The following RNF169 variants were observed in gnomAD, a reference collection of about 807,000 sequenced individuals.
RNF169 encodes the protein E3 ubiquitin-protein ligase RNF169.
RNF169 carries 24 observed loss-of-function variants against 53.9 expected under a neutral mutation model. The ratio of observed to expected loss-of-function variants is 0.45; its 90% CI spans 0.32 to 0.63. The LOEUF (loss-of-function observed/expected upper bound fraction) is 0.63, where lower values mean the gene tolerates loss of function less well. Ranked by LOEUF, RNF169 falls within the 20% of genes least tolerant of loss-of-function variation. RNF169 has a pLI of 0.04. For missense variants in RNF169, 883 were observed against 906.2 expected, an observed-to-expected ratio of 0.97 and a Z score of 0.33; for synonymous variants, 396 against 363.5, an observed-to-expected ratio of 1.09 and a Z score of -1.02.
At position 74,836,107 on chromosome 11, in the gene RNF169, G is replaced by A. The variant is rs2036252049; in HGVS notation, c.1504G>A (p.Asp502Asn). The A allele has an allele frequency of 1.2e-6, 2 of 1,614,138 alleles. No homozygotes were observed. The highest frequency in any genetic ancestry group is 1.7e-6 in the Non-Finnish European group (2 of 1,180,030). Residue 502 changes from aspartate (D) to asparagine (N), a missense_variant, in exon 6 of 6, where the codon GAT (aspartate) becomes AAT (asparagine). Asp to Asn is a conservative substitution (Grantham distance 23, BLOSUM62 1). Around this residue, in one of 3 missense-constraint regions of RNF169, gnomAD observed 351 missense variants for 337.3 expected, o/e 1.04. Coordinates refer to ENST00000299563, the MANE Select transcript of RNF169 (RefSeq NM_001098638.2). ...EYTGPTSADL[D>N]HFPSVSQTKA... ...TACTGGACCCACCTCTGCTGATCTTGATCATTTCCCCTCTGTTAGCCAAAC... is the reference window on the plus strand; with the variant it reads ...TACTGGACCCACCTCTGCTGATCTTAATCATTTCCCCTCTGTTAGCCAAAC...
intron 4 of RNF169, among the ~76,000 whole-genome samples, chr11:74,821,103 T>C (rs768263267): frequency 5.9e-5 from 9 of 152,214 alleles, no homozygotes; most frequent in Non-Finnish European, 4.4e-5. Context: ...TCTGTTGTTA[T>C]CAGAACTCTG....
chr11:74,817,528 C>T, intron 3 of RNF169, 68 bp from the exon 4 acceptor site: 1 of 951,476 alleles, frequency 1.1e-6, no homozygotes, highest in Non-Finnish European at 1.7e-6. Context: ...GAGATTTGAA[C>T]CTATAGCTAG....
At chr11:74,792,936 C>G (rs987908698) in intron 2 of RNF169, among the ~76,000 whole-genome samples, 9 of 152,162 alleles carry the variant, frequency 5.9e-5, no homozygotes, top group Admixed American at 5.2e-4. Context: ...TCACCCACCC[C>G]AAGTACCCAA....
At position 74,817,733 on chromosome 11, in the gene RNF169, A is replaced by T; in HGVS notation, c.842+19A>T. 1 of 1,458,514 alleles carries T rather than the reference A, an allele frequency of 6.9e-7. No individual in the cohort carries two copies. Among genetic ancestry groups the T allele is most frequent in the Non-Finnish European group, 9.6e-7 (1 of 1,038,882 alleles). The allele number at this position is 1,458,514 out of a possible 1,614,324, so 90.3% of individuals were successfully genotyped here. On this transcript the variant is annotated intron_variant, in intron 4 of 5. Transcript: ENST00000299563. ...TGGCAGGGTAAGAGACTGATGCTGAATTCAGTCAGGGGTCTTTGGTTTTGG... is the reference window on the plus strand; with the variant it reads ...TGGCAGGGTAAGAGACTGATGCTGATTTCAGTCAGGGGTCTTTGGTTTTGG...
chr11:74,774,837 T>C (rs2035309802), intron 1 of RNF169, among the ~76,000 whole-genome samples: 1 of 152,096 alleles, frequency 6.6e-6, no homozygotes, highest in Non-Finnish European at 1.5e-5. Flanking sequence ...CACATGCCTG[T>C]AATCGTAGCT....
intron 2 of RNF169, among the ~76,000 whole-genome samples, chr11:74,797,708 T>C (rs1269398569): frequency 1.3e-5 from 2 of 152,150 alleles, no homozygotes; most frequent in Non-Finnish European, 2.9e-5. Flanking sequence ...GGGATTTGGC[T>C]GGGCACAGTG....
At chr11:74,783,003 A>C (rs925979321) in intron 1 of RNF169, among the ~76,000 whole-genome samples, 2 of 148,102 alleles carry the variant, frequency 1.4e-5, no homozygotes, top group Non-Finnish European at 3.0e-5. Flanking sequence ...GTAAGTCCAA[A>C]ATTCTTTTTC....
chr11:74,838,260 A>T lies in RNF169; in HGVS notation c.*1530A>T, dbSNP rs2036287104. 6.6e-6 allele frequency: 1 copy of T among 152,208 alleles called. No homozygotes were observed. Among genetic ancestry groups the T allele is most frequent in the African/African-American group, 2.4e-5 (1 of 41,452 alleles). 9.4% of individuals were successfully genotyped at this position (152,208 alleles called of 1,614,324 possible). A position where few individuals can be genotyped will look rare whatever the true frequency, so the allele number is the denominator to read the frequency against. The stretch of plus-strand genomic sequence containing the variant: ...GTCCAGAACAGTGACCCATTGATCA[A>T]GGCAGATAGTATAACTCCTTTTAAG... On this transcript the variant is annotated 3_prime_UTR_variant, in exon 6 of 6. Transcript: ENST00000299563.
At chr11:74,800,918 A>G (rs1003873250) in intron 2 of RNF169, among the ~76,000 whole-genome samples, 8 of 152,224 alleles carry the variant, frequency 5.3e-5, no homozygotes, top group Non-Finnish European at 7.3e-5. Context: ...TTCAATTTAT[A>G]TGTAAACTTG....
At chr11:74,754,712 C>T (rs60061709) in intron 1 of RNF169, among the ~76,000 whole-genome samples, 274 of 152,078 alleles carry the variant, frequency 1.8e-3, no homozygotes, top group African/African-American at 6.3e-3. Flanking sequence ...TCCCAGCTAC[C>T]GGGAGGCTGA....
rs373373428 is a variant in RNF169, at chr11:74,813,361, ATC to A, written c.723+3033_723+3034del. ...GAGCTTACTCTAGAAGCAGATTATC[ATC>A]TGTTATTTTTTTAGAATAGAAATAA... is the stretch of plus-strand genomic sequence containing the variant. On this transcript the variant is annotated intron_variant, in intron 3 of 5. Transcript: ENST00000299563. 1.3e-3 allele frequency among the ~76,000 whole-genome samples: 201 copies of A among 152,358 alleles called. 1 individual carries two copies. The highest frequency in any genetic ancestry group is 4.6e-3 in the African/African-American group (193 of 41,590).
chr11:74,780,763 T>G (rs2135064451), intron 1 of RNF169, among the ~76,000 whole-genome samples: 1 of 152,298 alleles, frequency 6.6e-6, no homozygotes, highest in Non-Finnish European at 1.5e-5. Context: ...TTTAAAAAAA[T>G]CTATATGAAG....
intron 1 of RNF169, among the ~76,000 whole-genome samples, chr11:74,760,146 T>C (rs1329552583): frequency 2.6e-4 from 39 of 151,554 alleles, no homozygotes; most frequent in African/African-American, 6.8e-4. Context: ...TCTGTGGGAT[T>C]GGTGGTGATA....
chr11:74,828,973 C>T (rs2036137306), intron 4 of RNF169, among the ~76,000 whole-genome samples: 1 of 152,064 alleles, frequency 6.6e-6, no homozygotes, highest in Non-Finnish European at 1.5e-5. Flanking sequence ...GCAATTGCAC[C>T]AAAAGTAAAA....
chr11:74,783,046 G>A (rs2135068496), intron 1 of RNF169, among the ~76,000 whole-genome samples: 1 of 152,078 alleles, frequency 6.6e-6, no homozygotes, highest in African/African-American at 2.4e-5. Flanking sequence ...TGAATGTACA[G>A]GGGTAAAAAC....
chr11:74,749,335 C>T lies in RNF169; in HGVS notation c.455C>T (p.Ala152Val), dbSNP rs1246837025. 1.6e-5 allele frequency: 19 copies of T among 1,211,040 alleles called. No individual in the cohort carries two copies. The highest frequency in any genetic ancestry group is 1.9e-5 in the Non-Finnish European group (19 of 974,994). 75.0% of individuals were successfully genotyped at this position (1,211,040 alleles called of 1,614,324 possible). A position where few individuals can be genotyped will look rare whatever the true frequency, so the allele number is the denominator to read the frequency against. ...RPRRDGGAAA[A>V]GPRPEQEPRA... is the part of the protein sequence containing the mutation. ...CGCCGGGACGGGGGCGCGGCTGCCG[C>T]GGGGCCCAGGCCAGAGCAGGAGCCG... Residue 152 changes from alanine to valine, a missense_variant, in exon 1 of 6, where the codon GCG becomes GTG. Physicochemically the swap from Ala to Val is moderately conservative, Grantham distance 64. Transcript: ENST00000299563.
chr11:74,751,386 G>T (rs2034893186), intron 1 of RNF169, among the ~76,000 whole-genome samples: 1 of 152,178 alleles, frequency 6.6e-6, no homozygotes, highest in Non-Finnish European at 1.5e-5. Flanking sequence ...TTTATAGTCT[G>T]AGATTATGGT....
At chr11:74,773,190 A>C (rs2035284174) in intron 1 of RNF169, among the ~76,000 whole-genome samples, 1 of 152,162 alleles carries the variant, frequency 6.6e-6, no homozygotes, top group Admixed American at 6.5e-5. Flanking sequence ...GACCTGGGGT[A>C]GGATTGGCCT....
intron 1 of RNF169, among the ~76,000 whole-genome samples, chr11:74,775,351 T>C (rs2035318000): frequency 6.6e-6 from 1 of 152,206 alleles, no homozygotes; most frequent in Admixed American, 6.5e-5. Context: ...ATTTTTCTTT[T>C]TCTTTTTTTT....
Sources: allele counts gnomAD v4.1 joint callset (sites outside exome capture counted in the v4.1 genomes callset), GRCh38; gene constraint gnomAD v4.1.1; regional missense constraint gnomAD v4.1.1; transcripts MANE v1.5; gene names NCBI Gene and HGNC (gene_info 2026-07-23, HGNC 2026-07-21).